Variants in AKR1C4 observed in about 807,000 individuals in gnomAD.
The protein encoded by AKR1C4 is 3-alpha-HSD1.
AKR1C4 carries 44 observed loss-of-function variants against 41.0 expected under a neutral mutation model. The ratio of observed to expected loss-of-function variants is 1.07; its 90% confidence interval spans 0.84 to 1.38. AKR1C4 has a LOEUF of 1.38. Ranked by LOEUF, AKR1C4 falls within the 40% of genes most tolerant of loss-of-function variation. The pLI, the probability that AKR1C4 is intolerant of heterozygous loss-of-function variation, is 0.00. For missense variants in AKR1C4, 438 were observed against 387.9 expected (o/e 1.13, Z -1.09); for synonymous variants, 165 against 137.7 (o/e 1.20, Z -1.39).
At chr10:5,207,681 G>A in intron 5 of AKR1C4, 2 of 873,016 alleles carry the variant, frequency 2.3e-6, no homozygotes, top group East Asian at 5.1e-5. Flanking sequence ...ATGAAATAAA[G>A]GAAGGACTTG....
chr10:5,197,392 A>C (rs1832327601), intron 1 of AKR1C4, among the ~76,000 whole-genome samples: 1 of 152,214 alleles, frequency 6.6e-6, no homozygotes, highest in Non-Finnish European at 1.5e-5. Flanking sequence ...GGGGTGTATG[A>C]AAACTGTTGG....
intron 5 of AKR1C4, chr10:5,207,660 A>G: frequency 9.4e-7 from 1 of 1,059,102 alleles, no homozygotes. Context: ...CTACCTGTGC[A>G]ATCATAGGAC....
intron 5 of AKR1C4, chr10:5,207,517 G>A (rs61854740): frequency 0.012 from 5,851 of 474,106 alleles, 58 homozygotes; most frequent in Non-Finnish European, 0.017. Flanking sequence ...ATAAAATAGG[G>A]TATAAGAAAA....
intron 2 of AKR1C4, among the ~76,000 whole-genome samples, chr10:5,202,224 A>C (rs1280938313): frequency 6.6e-6 from 1 of 151,594 alleles, no homozygotes; most frequent in East Asian, 1.9e-4. Flanking sequence ...TTTTGTAGAG[A>C]TCTTTCATCT....
chr10:5,210,143 C>T (rs1218044209), intron 5 of AKR1C4, among the ~76,000 whole-genome samples: 1 of 152,178 alleles, frequency 6.6e-6, no homozygotes, highest in South Asian at 2.1e-4. Flanking sequence ...ATGACCCATG[C>T]AAGTCTGAAA....
rs529515993 is a variant in AKR1C4, at chr10:5,204,990, TTTGTAGC to T, written c.369+500_369+506del. 2.0e-3 allele frequency among the ~76,000 whole-genome samples: 312 copies of T among 152,264 alleles called. 1 individual carries two copies. The highest frequency in any genetic ancestry group is 3.8e-3 in the Non-Finnish European group (259 of 68,006). On this transcript the variant is annotated intron_variant, in intron 3 of 8. Coordinates refer to ENST00000263126, the MANE Select transcript of AKR1C4 (RefSeq NM_001818.5). ...CACTAAGGCTTATTTCACAATGGAG[TTTGTAGC>T]TTTGCCTAGTCATGAATTTCGGTTG...
At chr10:5,214,725 A>G (rs1303591412) in intron 7 of AKR1C4, among the ~76,000 whole-genome samples, 1 of 152,252 alleles carries the variant, frequency 6.6e-6, no homozygotes, top group African/African-American at 2.4e-5. Context: ...TTCTAAGAAT[A>G]CAATGAATGC....
intron 5 of AKR1C4, chr10:5,207,680 A>C: frequency 5.6e-6 from 5 of 888,528 alleles, no homozygotes; most frequent in Middle Eastern, 3.1e-4. Flanking sequence ...CATGAAATAA[A>C]GGAAGGACTT....
chr10:5,208,272 G>A (rs1445451669), intron 5 of AKR1C4, among the ~76,000 whole-genome samples: 1 of 151,474 alleles, frequency 6.6e-6, no homozygotes, highest in Non-Finnish European at 1.5e-5. Flanking sequence ...TTACTACTTA[G>A]AGTCAATGAG....
intron 1 of AKR1C4, among the ~76,000 whole-genome samples, chr10:5,198,788 C>G (rs1554796598): frequency 6.6e-6 from 1 of 152,156 alleles, no homozygotes; most frequent in African/African-American, 2.4e-5. Context: ...AGGTGGATCC[C>G]TTGAGCTCCG....
At chr10:5,212,810 T>C (rs1471723220) in intron 6 of AKR1C4, 85 bp downstream of exon 6, 1 of 1,469,880 alleles carries the variant, frequency 6.8e-7, no homozygotes, top group Non-Finnish European at 9.3e-7. Context: ...CTAGAGTTCA[T>C]TCTCAATGGG....
intron 5 of AKR1C4, among the ~76,000 whole-genome samples, chr10:5,209,681 A>G (rs571730205): frequency 1.8e-4 from 28 of 152,314 alleles, no homozygotes; most frequent in African/African-American, 5.5e-4. Flanking sequence ...GAGCTTGTGC[A>G]GGAAATCTCC....
intron 7 of AKR1C4, among the ~76,000 whole-genome samples, chr10:5,213,403 C>T (rs1242390061): frequency 7.9e-5 from 12 of 152,136 alleles, no homozygotes; most frequent in Admixed American, 7.8e-4. Flanking sequence ...TTAACTCTAT[C>T]CCTCTGCTAG....
chr10:5,209,995 G>C (rs1832546827), intron 5 of AKR1C4, among the ~76,000 whole-genome samples: 2 of 152,112 alleles, frequency 1.3e-5, no homozygotes, highest in Non-Finnish European at 2.9e-5. Flanking sequence ...TCTCATCTGA[G>C]ACAAGGCAAG....
chr10:5,213,133 G>A lies in AKR1C4; in HGVS notation c.820G>A (p.Glu274Lys), dbSNP rs1554798128. Residue 274 changes from glutamate (E) to lysine (K), a missense_variant, in exon 7 of 9, where the codon GAG becomes AAG. Transcript: ENST00000263126. ...TGTGGTCCTGGCCAAGAGCTACAAT[G>A]AGCAGCGGATCAGAGAGAACATCCA... ...GVVVLAKSYN[E>K]QRIRENIQVF... is the part of the protein sequence containing the mutation. The A allele has an allele frequency of 6.2e-7, 1 of 1,613,978 alleles. No homozygotes were observed. The highest frequency in any genetic ancestry group is 8.5e-7 in the Non-Finnish European group (1 of 1,180,034).
At position 5,209,919 on chromosome 10, in the gene AKR1C4, C is replaced by T. The variant is rs150938777; in HGVS notation, c.571-2697C>T. ...TCCTCACAATTCAAAACCAATCATGCATTCCCAATAGTCTTCCAAAGTCTT... is the reference window on the plus strand; with the variant it reads ...TCCTCACAATTCAAAACCAATCATGTATTCCCAATAGTCTTCCAAAGTCTT... On this transcript the variant is annotated intron_variant, in intron 5 of 8. Transcript: ENST00000263126. Among the ~76,000 whole-genome samples the T allele has an allele frequency of 8.0e-3, 1,224 of 152,280 alleles. 14 individuals are homozygous for T. Among genetic ancestry groups the T allele is most frequent in the African/African-American group, 0.029 (1,188 of 41,550 alleles).
chr10:5,201,075 G>T (rs1357273771), intron 2 of AKR1C4, among the ~76,000 whole-genome samples: 1 of 151,840 alleles, frequency 6.6e-6, no homozygotes, highest in South Asian at 2.1e-4. Context: ...AACATGTGTG[G>T]GTATGTGTTT....
At chr10:5,208,376 T>C (rs782318526) in intron 5 of AKR1C4, among the ~76,000 whole-genome samples, 9 of 151,568 alleles carry the variant, frequency 5.9e-5, no homozygotes, top group Admixed American at 4.6e-4. Context: ...ATTAATGTGG[T>C]TTTAATATTA....
At chr10:5,211,625 A>G (rs149913883) in intron 5 of AKR1C4, among the ~76,000 whole-genome samples, 1 of 152,304 alleles carries the variant, frequency 6.6e-6, no homozygotes, top group Non-Finnish European at 1.5e-5. Flanking sequence ...GGACCTTCTT[A>G]TACTTTTCTG....
Sources: gnomAD v4.1 joint callset for allele counts (sites outside exome capture counted in the v4.1 genomes callset) on GRCh38, gnomAD v4.1.1 for gene constraint, MANE v1.5 for transcripts, NCBI Gene and HGNC (gene_info 2026-07-23, HGNC 2026-07-21) for gene names.